The following PSG6 variants were observed in gnomAD, a reference collection of about 807,000 sequenced individuals.
The protein encoded by PSG6 is pregnancy specific beta-1-glycoprotein 6.
A neutral mutation model predicts 43.3 loss-of-function variants in PSG6; 51 were observed. That is an observed-to-expected ratio of 1.18 (90% CI 0.94 to 1.49). The LOEUF is 1.49. PSG6 is among the 40% of genes most tolerant of loss of function. The pLI, the probability that PSG6 is intolerant of heterozygous loss-of-function variation, is 0.00. For synonymous variants in PSG6, 292 were observed against 197.6 expected (o/e 1.48, Z -4.01); for missense variants, 770 against 522.2 (o/e 1.47, Z -4.62).
intron 2 of PSG6, among the ~76,000 whole-genome samples, chr19:42,911,453 T>TC (rs200846500): frequency 0.032 from 4,861 of 151,492 alleles, 319 homozygotes; most frequent in African/African-American, 0.11. Flanking sequence ...GGGGCAGTTT[T>TC]CCAGGTGTCT....
At chr19:42,905,290 T>C (rs1281208185) in intron 5 of PSG6, among the ~76,000 whole-genome samples, 1 of 151,840 alleles carries the variant, frequency 6.6e-6, no homozygotes, top group African/African-American at 2.4e-5. Context: ...CAAAACCTTT[T>C]ATATAGCCCA....
intron 5 of PSG6, 82 bp downstream of exon 5, chr19:42,906,840 C>T (rs541602604): frequency 6.2e-7 from 1 of 1,608,856 alleles, no homozygotes; most frequent in South Asian, 1.1e-5. Flanking sequence ...TCTGGGAATA[C>T]AAATGTTTTC....
chr19:42,915,073 C>G (rs182088405), intron 2 of PSG6, among the ~76,000 whole-genome samples: 15 of 151,496 alleles, frequency 9.9e-5, no homozygotes, highest in Middle Eastern at 3.2e-3. Flanking sequence ...ACTATGGGGT[C>G]CTTGGAACCC....
chr19:42,904,903 T>C (rs1972088407), intron 5 of PSG6, among the ~76,000 whole-genome samples: 1 of 151,664 alleles, frequency 6.6e-6, no homozygotes, highest in Non-Finnish European at 1.5e-5. Context: ...AAAGCCCCAG[T>C]AATCAATACA....
At chr19:42,912,881 C>T (rs540826782) in intron 2 of PSG6, among the ~76,000 whole-genome samples, 26 of 151,772 alleles carry the variant, frequency 1.7e-4, no homozygotes, top group Non-Finnish European at 2.9e-4. Context: ...CCTACCTGGC[C>T]ACCTCCATCT....
chr19:42,907,877 TC>T (rs1225304404), intron 3 of PSG6, 23 bp from the exon 4 acceptor site: 1 of 1,608,704 alleles, frequency 6.2e-7, no homozygotes, highest in Non-Finnish European at 8.5e-7. Context: ...CAGAAGATTG[TC>T]CTGTGTGGCA....
At chr19:42,913,695 G>A (rs139888599) in intron 2 of PSG6, among the ~76,000 whole-genome samples, 19 of 151,790 alleles carry the variant, frequency 1.3e-4, no homozygotes, top group African/African-American at 3.9e-4. Flanking sequence ...ATTGTAGAAC[G>A]TGAGATTGGT....
rs191908251 is a variant in PSG6 at position 42,914,506 on chromosome 19, C to A, written c.427+1619G>T. Among the ~76,000 whole-genome samples, 748 of 143,148 alleles carry A rather than the reference C, an allele frequency of 5.2e-3. 74 individuals are homozygous for A. Among genetic ancestry groups the A allele is most frequent in the African/African-American group, 0.019 (708 of 37,426 alleles). The allele number at this position is 143,148 out of a possible 152,430, so 93.9% of individuals were successfully genotyped here. On this transcript the variant is annotated intron_variant, in intron 2 of 5. Coordinates refer to ENST00000187910, the MANE Select transcript of PSG6 (RefSeq NM_001031850.4). Reference sequence around the variant, plus strand: ...CACTGACTTCAAAAACCCCAGGGACCAGGTGCCCCCAGCTCCACAGTCCAG... The same window carrying A: ...CACTGACTTCAAAAACCCCAGGGACAAGGTGCCCCCAGCTCCACAGTCCAG...
intron 5 of PSG6, among the ~76,000 whole-genome samples, chr19:42,902,692 C>T (rs767895978): frequency 1.3e-5 from 2 of 151,502 alleles, no homozygotes; most frequent in Non-Finnish European, 2.9e-5. Flanking sequence ...GCATAGCGGT[C>T]TGTGGGTTCT....
chr19:42,903,739 AC>A (rs760436639), intron 5 of PSG6: 28 of 1,512,536 alleles, frequency 1.9e-5, no homozygotes, highest in Middle Eastern at 4.8e-4. Flanking sequence ...AAAAAAAAAA[AC>A]CAATTAGCTG....
intron 3 of PSG6, among the ~76,000 whole-genome samples, chr19:42,908,965 A>T (rs1320615698): frequency 6.6e-6 from 1 of 151,606 alleles, no homozygotes; most frequent in Admixed American, 6.6e-5. Flanking sequence ...GAGGTTCTAG[A>T]GATCTGCTGT....
In PSG6 at chr19:42,907,829, G is replaced by A; in HGVS notation, c.732C>T (p.Thr244=). 2 of 1,611,678 alleles carry A rather than the reference G, an allele frequency of 1.2e-6. No individual in the cohort carries two copies. Among genetic ancestry groups the A allele is most frequent in the Non-Finnish European group, 1.7e-6 (2 of 1,179,078 alleles). ...TCTCCCTGGGGTTTAAGTTGTTGAT[G>A]GTGATGTAAGGCATGGGCAGCTTCG... ...LLPKLPMPYI[T]INNLNPREKK... is the part of the protein sequence containing the mutation. The change falls in exon 4 of 6, where the codon ACC becomes ACT. Residue 244 remains threonine, a synonymous_variant. Transcript: ENST00000187910.
In PSG6 at chr19:42,915,786, C is replaced by G. The variant is rs1223978222; in HGVS notation, c.427+339G>C. On this transcript the variant is annotated intron_variant, in intron 2 of 5. Coordinates refer to ENST00000187910, the MANE Select transcript of PSG6 (RefSeq NM_001031850.4). ...TCTGAGGGTATCTCAGTGGGCCCCT[C>G]AGGCCAAGCCCTACTCAGTTTTCCA... 18 of 450,136 alleles carry G rather than the reference C, an allele frequency of 4.0e-5. No homozygotes were observed. In the East Asian group the frequency reaches 6.1e-4, roughly 15 times the overall value. 27.9% of individuals were successfully genotyped at this position (450,136 alleles called of 1,614,324 possible). A position where few individuals can be genotyped will look rare whatever the true frequency, so the allele number is the denominator to read the frequency against.
Position 42,907,077 on chromosome 19 carries a change from T to TC in PSG6, c.1084dup (p.Glu362GlyfsTer7). On this transcript the variant is annotated frameshift_variant, in exon 5 of 6. Transcript: ENST00000187910. LOFTEE classifies it high-confidence loss of function. The stretch of plus-strand genomic sequence containing the variant: ...CTTCCCATTAATTGTCCAAGAATAC[T>TC]CTGCCGGTGGGTTAGAGTCCGCAAA... 6.2e-7 allele frequency: 1 copy of TC among 1,612,732 alleles called. No individual in the cohort carries two copies. The highest frequency in any genetic ancestry group is 1.7e-4 in the Middle Eastern group (1 of 6,060).
At chr19:42,912,517 G>C (rs1483267771) in intron 2 of PSG6, among the ~76,000 whole-genome samples, 1 of 151,748 alleles carries the variant, frequency 6.6e-6, no homozygotes, top group Non-Finnish European at 1.5e-5. Context: ...AGAGAGTCCT[G>C]TTAAAAGGAC....
chr19:42,902,379 T>G lies in PSG6; in HGVS notation c.*33A>C. On this transcript the variant is annotated 3_prime_UTR_variant, in exon 6 of 6. Transcript: ENST00000187910. Reference sequence around the variant, plus strand: ...TGAATTTCATGAAGGTATCAACCTGTTCTTTTTCTCAGTGTCTCTATTGTG... The same window carrying G: ...TGAATTTCATGAAGGTATCAACCTGGTCTTTTTCTCAGTGTCTCTATTGTG... 1.9e-6 allele frequency: 3 copies of G among 1,607,926 alleles called. No individual in the cohort carries two copies. The Admixed American group carries it at 5.0e-5, about 27-fold the overall frequency.
chr19:42,904,071 G>T (rs1298548474), intron 5 of PSG6, among the ~76,000 whole-genome samples: 3 of 151,692 alleles, frequency 2.0e-5, no homozygotes, highest in African/African-American at 4.8e-5. Flanking sequence ...TAATCAGTAA[G>T]AAGATTGAAT....
At chr19:42,912,041 T>C (rs1377146072) in intron 2 of PSG6, among the ~76,000 whole-genome samples, 3 of 151,622 alleles carry the variant, frequency 2.0e-5, no homozygotes, top group Non-Finnish European at 4.4e-5. Flanking sequence ...TAAAACAAAG[T>C]GTTTTGGATT....
Position 42,905,909 on chromosome 19 carries a change from G to T in PSG6, c.1240+1013C>A, listed in dbSNP as rs371227653. Among the ~76,000 whole-genome samples the T allele has an allele frequency of 1.9e-4, 29 of 151,582 alleles. 3 individuals are homozygous for T. In the East Asian group the frequency reaches 3.3e-3, roughly 17 times the overall value. On this transcript the variant is annotated intron_variant, in intron 5 of 5. Transcript: ENST00000187910. ...AGAAAGTAGAATGGTGGGTGTTAAG[G>T]GTTAGGGGGAGAAGGAGTGAGAGTT... is the stretch of plus-strand genomic sequence containing the variant.
Sources: gnomAD v4.1 joint callset for allele counts (sites outside exome capture counted in the v4.1 genomes callset) on GRCh38, gnomAD v4.1.1 for gene constraint, MANE v1.5 for transcripts, NCBI Gene and HGNC (gene_info 2026-07-23, HGNC 2026-07-21) for gene names.